The following NTRK2 variants were observed in gnomAD, a reference collection of about 807,000 sequenced individuals.
The protein encoded by NTRK2 is neurotrophic receptor tyrosine kinase 2.
A neutral mutation model predicts 94.5 loss-of-function variants in NTRK2; 13 were observed. The observed-to-expected ratio is 0.14, with a 90% CI of 0.09 to 0.22. The LOEUF is 0.22. Ranked by LOEUF, NTRK2 falls within the 10% of genes least tolerant of loss-of-function variation. The probability of loss-of-function intolerance (pLI) is 1.00; values close to 1 mark genes in which losing one functional copy is unlikely to be tolerated. For synonymous variants in NTRK2, 372 were observed against 407.4 expected (o/e 0.91, Z 1.05); for missense variants, 639 against 1,071.2 (o/e 0.60, Z 5.63).
At chr9:84,943,207 T>C (rs2132821758) in intron 15 of NTRK2, among the ~76,000 whole-genome samples, 1 of 152,354 alleles carries the variant, frequency 6.6e-6, no homozygotes. Context: ...CTAAACCACC[T>C]ACACTTTGAA....
intron 12 of NTRK2, among the ~76,000 whole-genome samples, chr9:84,818,039 A>G (rs1349499989): frequency 6.6e-6 from 1 of 152,148 alleles, no homozygotes; most frequent in East Asian, 1.9e-4. Flanking sequence ...CTACCACAGG[A>G]CCTAAGAGAT....
At chr9:84,773,506 C>G (rs1280310443) in intron 12 of NTRK2, among the ~76,000 whole-genome samples, 3 of 152,172 alleles carry the variant, frequency 2.0e-5, no homozygotes, top group Non-Finnish European at 1.5e-5. Context: ...AATCTTAAAT[C>G]TTACTGTTTT....
At chr9:84,788,293 A>G (rs891994917) in intron 12 of NTRK2, among the ~76,000 whole-genome samples, 2 of 152,252 alleles carry the variant, frequency 1.3e-5, no homozygotes, top group African/African-American at 4.8e-5. Context: ...AAATGAAATT[A>G]ACAAAAAAGT....
chr9:84,702,958 A>G (rs2060824409), intron 4 of NTRK2, among the ~76,000 whole-genome samples: 1 of 152,264 alleles, frequency 6.6e-6, no homozygotes, highest in South Asian at 2.1e-4. Flanking sequence ...AACAATGGGA[A>G]ATATTTCCCC....
At chr9:84,796,829 T>A (rs1662699) in intron 12 of NTRK2, among the ~76,000 whole-genome samples, 112,279 of 152,024 alleles carry the variant, frequency 0.74, 42,416 homozygotes, top group Admixed American at 0.83. Context: ...TTCAAAGGAA[T>A]CTCATGAAAA....
intron 11 of NTRK2, among the ~76,000 whole-genome samples, chr9:84,748,967 T>C (rs900916437): frequency 3.9e-5 from 6 of 152,172 alleles, no homozygotes; most frequent in African/African-American, 1.4e-4. Flanking sequence ...GCATGGTGGC[T>C]CATGCCTGTA....
chr9:84,739,347 G>C (rs960621596), intron 9 of NTRK2, among the ~76,000 whole-genome samples: 1 of 152,156 alleles, frequency 6.6e-6, no homozygotes, highest in Non-Finnish European at 1.5e-5. Flanking sequence ...CACCACCCCC[G>C]GCCCTGGCCT....
chr9:84,830,947 A>T (rs1411542657), intron 12 of NTRK2, among the ~76,000 whole-genome samples: 1 of 152,192 alleles, frequency 6.6e-6, no homozygotes, highest in Non-Finnish European at 1.5e-5. Context: ...CATATTGTAT[A>T]TAAATATTTT....
intron 14 of NTRK2, among the ~76,000 whole-genome samples, chr9:84,892,357 C>G (rs759106593): frequency 2.6e-5 from 4 of 152,262 alleles, no homozygotes; most frequent in Admixed American, 2.0e-4. Flanking sequence ...TTCCATGTGG[C>G]ACATCCCCAA....
chr9:84,710,558 T>C (rs1428427443), intron 5 of NTRK2, 79 bp from the exon 6 acceptor site: 2 of 1,433,608 alleles, frequency 1.4e-6, no homozygotes, highest in Admixed American at 3.4e-5. Context: ...GAATTCATAA[T>C]GTTGTAGTAT....
rs1047265808 is a variant in NTRK2 at position 85,025,659 on chromosome 9, C to G, written c.*4222C>G. 8.6e-6 allele frequency: 2 copies of G among 233,178 alleles called. No individual in the cohort carries two copies. Among genetic ancestry groups the G allele is most frequent in the Non-Finnish European group, 1.7e-5 (2 of 117,988 alleles). The allele number at this position is 233,178 out of a possible 1,614,324, so 14.4% of individuals were successfully genotyped here. On this transcript the variant is annotated 3_prime_UTR_variant, in exon 19 of 19. Transcript: ENST00000277120. ...ATAAATGACTGCATATACACACATA[C>G]CCTCAATTCTCTTGCTTCCCCATTT...
chr9:84,788,114 A>T (rs2133152395), intron 12 of NTRK2, among the ~76,000 whole-genome samples: 1 of 152,344 alleles, frequency 6.6e-6, no homozygotes, highest in Middle Eastern at 3.4e-3. Flanking sequence ...TAATAAGCAT[A>T]AGAGTAACAT....
In NTRK2 at chr9:84,824,241, G is replaced by T. The variant is rs112747231; in HGVS notation, c.1397-36799G>T. The stretch of plus-strand genomic sequence containing the variant: ...GACACAGGTGCTGGCTGTTGGCACT[G>T]CAGGGCACACAATGGCAGTAACAGT... On this transcript the variant is annotated intron_variant, in intron 12 of 18. Transcript: ENST00000277120. Among the ~76,000 whole-genome samples, 247 of 152,302 alleles carry T rather than the reference G, an allele frequency of 1.6e-3. 2 individuals are homozygous for T. The highest frequency in any genetic ancestry group is 5.7e-3 in the African/African-American group (236 of 41,566).
chr9:84,752,204 A>G, intron 12 of NTRK2, 119 bp downstream of exon 12: 2 of 800,648 alleles, frequency 2.5e-6, no homozygotes, highest in South Asian at 2.9e-5. Context: ...TTAAGGCTAA[A>G]AAAATAGCAA....
At chr9:84,719,746 C>T (rs994054810) in intron 6 of NTRK2, among the ~76,000 whole-genome samples, 6 of 152,094 alleles carry the variant, frequency 3.9e-5, no homozygotes, top group East Asian at 3.9e-4. Context: ...CGGCTGGGCA[C>T]GGTGGCTCAT....
chr9:84,793,198 C>T (rs1180149842), intron 12 of NTRK2, among the ~76,000 whole-genome samples: 2 of 152,000 alleles, frequency 1.3e-5, no homozygotes, highest in African/African-American at 4.8e-5. Flanking sequence ...ATGCATTTTG[C>T]CCACTTTGCT....
In NTRK2 at chr9:84,738,988, G is replaced by A. The variant is rs569936531; in HGVS notation, c.1160-2904G>A. On this transcript the variant is annotated intron_variant, in intron 9 of 18. Coordinates refer to ENST00000277120, the MANE Select transcript of NTRK2 (RefSeq NM_006180.6). The stretch of plus-strand genomic sequence containing the variant: ...GGTGAACTTGGTAGGAAAGGCATGC[G>A]CTGATATGGGTCATAAGACTGGATG... Among the ~76,000 whole-genome samples, 8 of 152,254 alleles carry A rather than the reference G, an allele frequency of 5.3e-5. 1 individual carries two copies. In the South Asian group the frequency reaches 1.2e-3, roughly 24 times the overall value.
chr9:84,874,801 A>G, intron 14 of NTRK2: 1 of 1,058,188 alleles, frequency 9.5e-7, no homozygotes, highest in Non-Finnish European at 1.1e-6. Flanking sequence ...TGTCAGTGAG[A>G]GAATGCTGAG....
chr9:84,719,475 A>G (rs1469420942), intron 6 of NTRK2, among the ~76,000 whole-genome samples: 1 of 152,192 alleles, frequency 6.6e-6, no homozygotes, highest in Non-Finnish European at 1.5e-5. Flanking sequence ...ACATTATGAC[A>G]TAACATTTCC....
Sources: gnomAD v4.1 joint callset for allele counts (sites outside exome capture counted in the v4.1 genomes callset) on GRCh38, gnomAD v4.1.1 for gene constraint, MANE v1.5 for transcripts, NCBI Gene and HGNC (gene_info 2026-07-23, HGNC 2026-07-21) for gene names.